CAB39L: variants seen among roughly 807,000 people sequenced by gnomAD.
The protein encoded by CAB39L is calcium-binding protein 39-like.
Under a neutral mutation model 39.1 loss-of-function variants are expected in CAB39L, and 23 were observed. The observed-to-expected ratio is 0.59, with a 90% confidence interval of 0.42 to 0.83. The LOEUF is 0.83. Among genes scored for constraint, CAB39L ranks in the 40% least tolerant of loss-of-function variants. CAB39L has a pLI of 0.00. For missense variants in CAB39L, 366 were observed against 391.9 expected (o/e 0.93, Z 0.56); for synonymous variants, 126 against 137.2 (o/e 0.92, Z 0.57).
intron 3 of CAB39L, among the ~76,000 whole-genome samples, chr13:49,423,042 A>T (rs779924328): frequency 1.3e-5 from 2 of 152,216 alleles, no homozygotes; most frequent in Non-Finnish European, 2.9e-5. Context: ...AAATCCACAG[A>T]CCTAATGCAG....
At chr13:49,346,521 T>C (rs1955182557) in intron 7 of CAB39L, among the ~76,000 whole-genome samples, 1 of 152,158 alleles carries the variant, frequency 6.6e-6, no homozygotes, top group East Asian at 1.9e-4. Flanking sequence ...AAGTTTTGCA[T>C]AGTATATTAT....
At chr13:49,367,670 A>G (rs1443305205) in intron 5 of CAB39L, among the ~76,000 whole-genome samples, 2 of 152,188 alleles carry the variant, frequency 1.3e-5, no homozygotes, top group East Asian at 3.8e-4. Flanking sequence ...TAATTCTAGC[A>G]CTTTGAGAGG....
At position 49,329,545 on chromosome 13, in the gene CAB39L, ATATAT is replaced by A. The variant is rs1203570664; in HGVS notation, c.834+2397_834+2401del. 5.9e-3 allele frequency among the ~76,000 whole-genome samples: 501 copies of A among 84,426 alleles called. 38 individuals carry two copies. The highest frequency in any genetic ancestry group is 0.026 in the East Asian group (55 of 2,092). 55.4% of individuals were successfully genotyped at this position (84,426 alleles called of 152,430 possible). ...CATATCTCTTCAATTAAAAAAAAAA[ATATAT>A]ATATATATATATATATATATATATA... On this transcript the variant is annotated intron_variant, in intron 10 of 10. Transcript: ENST00000409308.
intron 1 of CAB39L, among the ~76,000 whole-genome samples, chr13:49,441,429 T>A (rs1398680068): frequency 6.6e-6 from 1 of 151,832 alleles, no homozygotes; most frequent in Non-Finnish European, 1.5e-5. Context: ...TAGCCAGGCA[T>A]GGTGGCACAT....
At chr13:49,351,030 C>T (rs1955333137) in intron 6 of CAB39L, 118 bp from the exon 7 acceptor site, 16 of 662,974 alleles carry the variant, frequency 2.4e-5, no homozygotes, top group African/African-American at 7.5e-5. Context: ...CCATTTGTCA[C>T]GATTCATTCA....
chr13:49,425,310 G>A (rs1957227629), intron 3 of CAB39L, among the ~76,000 whole-genome samples: 1 of 151,878 alleles, frequency 6.6e-6, no homozygotes, highest in Admixed American at 6.6e-5. Context: ...AACTTTTTAT[G>A]CAATCAATAA....
intron 4 of CAB39L, among the ~76,000 whole-genome samples, chr13:49,380,308 G>A (rs757312631): frequency 7.2e-5 from 11 of 151,978 alleles, no homozygotes; most frequent in Non-Finnish European, 1.3e-4. Flanking sequence ...TCTGATTTTC[G>A]AATGGTCCAA....
At chr13:49,403,194 A>G (rs1216572405) in intron 3 of CAB39L, among the ~76,000 whole-genome samples, 1 of 152,116 alleles carries the variant, frequency 6.6e-6, no homozygotes, top group African/African-American at 2.4e-5. Flanking sequence ...CAACAGCAAG[A>G]GTGCAGAAAT....
intron 3 of CAB39L, among the ~76,000 whole-genome samples, chr13:49,410,690 A>G (rs1317256719): frequency 1.3e-5 from 2 of 152,228 alleles, no homozygotes; most frequent in East Asian, 1.9e-4. Flanking sequence ...ACAGAGTTAT[A>G]ATGCTTTTTA....
At chr13:49,426,573 C>A (rs190429978) in intron 3 of CAB39L, among the ~76,000 whole-genome samples, 6 of 152,114 alleles carry the variant, frequency 3.9e-5, no homozygotes, top group African/African-American at 1.4e-4. Context: ...ACTACAGGCG[C>A]CTGCCACCAC....
intron 7 of CAB39L, among the ~76,000 whole-genome samples, chr13:49,349,064 C>T (rs939194078): frequency 1.3e-5 from 2 of 152,188 alleles, no homozygotes; most frequent in Non-Finnish European, 2.9e-5. Context: ...ATTTATGGCA[C>T]CTTCTCAGAA....
At chr13:49,422,498 G>A (rs1957185077) in intron 3 of CAB39L, among the ~76,000 whole-genome samples, 1 of 152,172 alleles carries the variant, frequency 6.6e-6, no homozygotes, top group African/African-American at 2.4e-5. Flanking sequence ...GGCTTGAACT[G>A]GGAGGTGGAG....
chr13:49,421,388 G>A (rs1957168995), intron 3 of CAB39L, among the ~76,000 whole-genome samples: 1 of 152,118 alleles, frequency 6.6e-6, no homozygotes, highest in Non-Finnish European at 1.5e-5. Context: ...TGTAAGAGGA[G>A]GCACCCCAAG....
intron 3 of CAB39L, among the ~76,000 whole-genome samples, chr13:49,402,409 C>T (rs1031944392): frequency 3.9e-5 from 6 of 152,134 alleles, no homozygotes; most frequent in East Asian, 1.9e-4. Context: ...GCTTGGAATA[C>T]GTGCTGGCTC....
chr13:49,311,557 C>T (rs2138316048), intron 10 of CAB39L, among the ~76,000 whole-genome samples: 1 of 152,286 alleles, frequency 6.6e-6, no homozygotes, highest in East Asian at 1.9e-4. Context: ...GTGACACCTC[C>T]ATGGGTGTTA....
At chr13:49,427,183 C>T (rs1957257255) in intron 3 of CAB39L, among the ~76,000 whole-genome samples, 1 of 152,144 alleles carries the variant, frequency 6.6e-6, no homozygotes, top group Admixed American at 6.5e-5. Flanking sequence ...CATTATAAAG[C>T]TTATGCTACT....
At chr13:49,411,322 A>C (rs1394855765) in intron 3 of CAB39L, among the ~76,000 whole-genome samples, 1 of 151,208 alleles carries the variant, frequency 6.6e-6, no homozygotes, top group African/African-American at 2.4e-5. Flanking sequence ...AGGTAGGAGA[A>C]TCTCTTGAGC....
intron 3 of CAB39L, among the ~76,000 whole-genome samples, chr13:49,395,152 T>G (rs149895959): frequency 6.6e-6 from 1 of 152,318 alleles, no homozygotes; most frequent in Non-Finnish European, 1.5e-5. Flanking sequence ...ATGTCTCTCT[T>G]AAATGGTATT....
At chr13:49,347,851 C>T (rs755598502) in intron 7 of CAB39L, among the ~76,000 whole-genome samples, 1 of 152,048 alleles carries the variant, frequency 6.6e-6, no homozygotes, top group Non-Finnish European at 1.5e-5. Flanking sequence ...AGTCTGTTCC[C>T]AAGCCCTTCC....
Sources: gnomAD v4.1 joint callset for allele counts (sites outside exome capture counted in the v4.1 genomes callset) on GRCh38, gnomAD v4.1.1 for gene constraint, MANE v1.5 for transcripts, NCBI Gene and HGNC (gene_info 2026-07-23, HGNC 2026-07-21) for gene names.